The following KIF13A variants were observed in gnomAD, a reference collection of about 807,000 sequenced individuals.
KIF13A encodes kinesin-like protein KIF13A.
Under a neutral mutation model 212.2 loss-of-function variants are expected in KIF13A, and 79 were observed. That is an observed-to-expected ratio of 0.37 (90% CI 0.31 to 0.45). The LOEUF (loss-of-function observed/expected upper bound fraction) is 0.45, where lower values mean the gene tolerates loss of function less well. KIF13A is among the 20% of genes least tolerant of loss of function. KIF13A has a pLI of 1.00. For missense variants in KIF13A, 1,901 were observed against 2,209.0 expected (o/e 0.86, Z 2.79); for synonymous variants, 789 against 808.6 (o/e 0.98, Z 0.41).
chr6:17,951,285 G>A lies in KIF13A; in HGVS notation c.146+35769C>T, dbSNP rs995486545. The A allele has an allele frequency of 1.7e-5, 10 of 599,052 alleles. No homozygotes were observed. The highest frequency in any genetic ancestry group is 2.3e-5 in the Non-Finnish European group (8 of 348,332). 37.1% of individuals were successfully genotyped at this position (599,052 alleles called of 1,614,324 possible). A position where few individuals can be genotyped will look rare whatever the true frequency, so the allele number is the denominator to read the frequency against. ...TGGGACCACAGGTATGCGCCACCAC[G>A]TCCAGCTAATTTTAAACAAATTTTT... On this transcript the variant is annotated intron_variant, in intron 2 of 38. Transcript: ENST00000259711. The surrounding 1 kb of genome is among the most constrained non-coding windows in gnomAD (Gnocchi z 4.9).
chr6:17,935,696 C>T (rs1379680364), intron 2 of KIF13A, among the ~76,000 whole-genome samples: 1 of 152,202 alleles, frequency 6.6e-6, no homozygotes, highest in African/African-American at 2.4e-5. Context: ...TCTCATAAAA[C>T]TGTACCCTTG....
At chr6:17,955,605 T>C (rs184140753) in intron 2 of KIF13A, among the ~76,000 whole-genome samples, 101 of 152,354 alleles carry the variant, frequency 6.6e-4, no homozygotes, top group African/African-American at 2.3e-3. Context: ...TGGGTTTAAA[T>C]TTGTCTTATT....
intron 16 of KIF13A, among the ~76,000 whole-genome samples, chr6:17,824,833 TAGGGCCCTC>T (rs1286864448): frequency 6.6e-6 from 1 of 151,378 alleles, no homozygotes; most frequent in Non-Finnish European, 1.5e-5. Flanking sequence ...CTGCCTGTCT[TAGGGCCCTC>T]AGGGCCCTGG....
In KIF13A at chr6:17,850,208, A is replaced by G; in HGVS notation, c.717+115T>C. The G allele has an allele frequency of 1.0e-6, 1 of 968,840 alleles. No homozygotes were observed. Among genetic ancestry groups the G allele is most frequent in the Non-Finnish European group, 1.5e-6 (1 of 682,270 alleles). 60.0% of individuals were successfully genotyped at this position (968,840 alleles called of 1,614,324 possible). ...AAGCAAAGTAGCTCACCTAGTAAGCAGAAGAGCCAACATACAATTCTCAGC... is the reference window on the plus strand; with the variant it reads ...AAGCAAAGTAGCTCACCTAGTAAGCGGAAGAGCCAACATACAATTCTCAGC... On this transcript the variant is annotated intron_variant, in intron 8 of 38. Coordinates refer to ENST00000259711, the MANE Select transcript of KIF13A (RefSeq NM_022113.6). This position sits in a 1 kb window ranked among gnomAD's most constrained non-coding sequence, Gnocchi z 6.2.
chr6:17,938,067 ATT>A (rs11335036), intron 2 of KIF13A, among the ~76,000 whole-genome samples: 1 of 151,560 alleles, frequency 6.6e-6, no homozygotes, highest in African/African-American at 2.4e-5. Context: ...TAATTTTAAA[ATT>A]TTTTTTGTAG....
At position 17,779,075 on chromosome 6, in the gene KIF13A, C is replaced by G; in HGVS notation, c.3964G>C (p.Glu1322Gln). The G allele has an allele frequency of 6.2e-7, 1 of 1,613,608 alleles. No individual in the cohort carries two copies. The highest frequency in any genetic ancestry group is 8.5e-7 in the Non-Finnish European group (1 of 1,179,810). Residue 1322 changes from glutamate to glutamine, a missense_variant, in exon 33 of 39, where the codon GAA becomes CAA. Coordinates refer to ENST00000259711, the MANE Select transcript of KIF13A (RefSeq NM_022113.6). ...PKATEEIEDRETLALLAARSE... is the reference protein window; with the variant it reads ...PKATEEIEDRQTLALLAARSE... The stretch of plus-strand genomic sequence containing the variant: ...CTTGCTGCCAGGAGAGCCAGCGTTT[C>G]CCGGTCCTCTATCTCCTCAGTTGCC...
chr6:17,839,728 CA>C lies in KIF13A; in HGVS notation c.831-2146del, dbSNP rs910315135. 1.6e-4 allele frequency among the ~76,000 whole-genome samples: 24 copies of C among 152,060 alleles called. No individual in the cohort carries two copies. Among genetic ancestry groups the C allele is most frequent in the African/African-American group, 5.8e-4 (24 of 41,390 alleles). ...TATAAGAAGGTCATATAAAGACACC[CA>C]GGGGAGACGGCCACGTGAAGATGCA... On this transcript the variant is annotated intron_variant, in intron 9 of 38. Transcript: ENST00000259711. The surrounding 1 kb of genome is among the most constrained non-coding windows in gnomAD (Gnocchi z 4.3).
At chr6:17,861,205 A>T (rs1030455848) in intron 4 of KIF13A, among the ~76,000 whole-genome samples, 2 of 152,102 alleles carry the variant, frequency 1.3e-5, no homozygotes, top group Non-Finnish European at 2.9e-5. Flanking sequence ...TTCTGAAAAA[A>T]TTTTTCATTC....
rs866666484 is a variant in KIF13A, at chr6:17,915,965, T to A, written c.147-17785A>T. Among the ~76,000 whole-genome samples, 29 of 125,502 alleles carry A rather than the reference T, an allele frequency of 2.3e-4. 1 individual carries two copies. The highest frequency in any genetic ancestry group is 2.8e-4 in the South Asian group (1 of 3,552). 82.3% of individuals were successfully genotyped at this position (125,502 alleles called of 152,430 possible). ...AAAAAAAATAAAAATAAAAATAAAA[T>A]AAAATAAAATAAATTACAGTTCAAA... On this transcript the variant is annotated intron_variant, in intron 2 of 38. Coordinates refer to ENST00000259711, the MANE Select transcript of KIF13A (RefSeq NM_022113.6). The surrounding 1 kb of genome is among the most constrained non-coding windows in gnomAD (Gnocchi z 4.4).
intron 2 of KIF13A, among the ~76,000 whole-genome samples, chr6:17,948,580 T>TTTTTTTTC (rs766779438): frequency 2.7e-5 from 4 of 147,126 alleles, no homozygotes; most frequent in Non-Finnish European, 4.5e-5. Context: ...TTTTTTTTTT[T>TTTTTTTTC]TGAGACAAGT....
intron 16 of KIF13A, among the ~76,000 whole-genome samples, chr6:17,817,640 A>T (rs536691743): frequency 6.6e-6 from 1 of 152,324 alleles, no homozygotes; most frequent in African/African-American, 2.4e-5. Context: ...ATGGTAATTC[A>T]TTTCTATGTC....
intron 38 of KIF13A, among the ~76,000 whole-genome samples, chr6:17,766,727 T>C (rs1261942695): frequency 6.6e-6 from 1 of 151,998 alleles, no homozygotes; most frequent in Non-Finnish European, 1.5e-5. Flanking sequence ...GCCCATAACA[T>C]AAATTTGCTT....
At chr6:17,831,921 C>A (rs1235975253) in intron 12 of KIF13A, among the ~76,000 whole-genome samples, 1 of 151,702 alleles carries the variant, frequency 6.6e-6, no homozygotes, top group African/African-American at 2.4e-5. Flanking sequence ...AATGAAGTCC[C>A]GTCTTTCATG....
chr6:17,907,682 T>C (rs1773643693), intron 2 of KIF13A, among the ~76,000 whole-genome samples: 1 of 152,026 alleles, frequency 6.6e-6, no homozygotes, highest in African/African-American at 2.4e-5. Context: ...AAAATGTAGA[T>C]GCAGATGTGT....
rs1349043638 is a variant in KIF13A at position 17,768,345 on chromosome 6, C to A, written c.4581+2769G>T. 6.6e-6 allele frequency among the ~76,000 whole-genome samples: 1 copy of A among 152,212 alleles called. No homozygotes were observed. The highest frequency in any genetic ancestry group is 2.4e-5 in the African/African-American group (1 of 41,448). ...AGTTTTGCAAATTTAACTTATGCAG[C>A]TGATATTTACCTATACAGAAAACAC... On this transcript the variant is annotated intron_variant, in intron 38 of 38. Transcript: ENST00000259711. This position sits in a 1 kb window ranked among gnomAD's most constrained non-coding sequence, Gnocchi z 5.4.
intron 23 of KIF13A, among the ~76,000 whole-genome samples, chr6:17,795,321 G>A (rs1761935651): frequency 6.6e-6 from 1 of 151,850 alleles, no homozygotes; most frequent in African/African-American, 2.4e-5. Context: ...GGTGGCTCGA[G>A]CTTGTAATTC....
At chr6:17,975,387 T>C (rs533690307) in intron 2 of KIF13A, among the ~76,000 whole-genome samples, 248 of 152,248 alleles carry the variant, frequency 1.6e-3, no homozygotes, top group African/African-American at 5.8e-3. Flanking sequence ...ATTACAAATC[T>C]TAAGTTGGCG....
Position 17,777,377 on chromosome 6 carries a change from A to G in KIF13A, c.4093-23T>C. The stretch of plus-strand genomic sequence containing the variant: ...GGCCTGTAAACATAATAATTTGAAA[A>G]TAACACTTTTTTTTTTTTTCCCCAG... On this transcript the variant is annotated intron_variant, in intron 33 of 38. Coordinates refer to ENST00000259711, the MANE Select transcript of KIF13A (RefSeq NM_022113.6). This position sits in a 1 kb window ranked among gnomAD's most constrained non-coding sequence, Gnocchi z 4.4. 1 of 1,568,380 alleles carries G rather than the reference A, an allele frequency of 6.4e-7. No individual in the cohort carries two copies. The highest frequency in any genetic ancestry group is 8.6e-7 in the Non-Finnish European group (1 of 1,157,812).
chr6:17,836,416 T>G (rs1765956169), intron 11 of KIF13A, among the ~76,000 whole-genome samples: 1 of 152,220 alleles, frequency 6.6e-6, no homozygotes, highest in Non-Finnish European at 1.5e-5. Context: ...GCAGGAATTA[T>G]CTCTTATTTG....
Sources: gnomAD v4.1 joint callset for allele counts (sites outside exome capture counted in the v4.1 genomes callset) on GRCh38, gnomAD v4.1.1 for gene constraint, Gnocchi (gnomAD v3.1) non-coding constraint, MANE v1.5 for transcripts, NCBI Gene and HGNC (gene_info 2026-07-23, HGNC 2026-07-21) for gene names.